The following CDH13 variants were observed in gnomAD, a reference collection of about 807,000 sequenced individuals.
CDH13 encodes cadherin 13, also known as cadherin-13.
CDH13 carries 24 observed loss-of-function variants against 63.8 expected under a neutral mutation model. The ratio of observed to expected loss-of-function variants is 0.38; its 90% CI spans 0.27 to 0.53. The LOEUF is 0.53. Ranked by LOEUF, CDH13 falls within the 20% of genes least tolerant of loss-of-function variation. CDH13 has a pLI of 0.85. For synonymous variants in CDH13, 503 were observed against 355.3 expected, an observed-to-expected ratio of 1.42 and a Z score of -4.67; for missense variants, 1,049 against 903.1, an observed-to-expected ratio of 1.16 and a Z score of -2.07.
At chr16:82,815,996 T>A in intron 1 of CDH13, among the ~76,000 whole-genome samples, 1 of 152,132 alleles carries the variant, frequency 6.6e-6, no homozygotes. Context: ...TATTACCAAG[T>A]ATGTGACAGT....
At chr16:83,600,809 G>A (rs1350636261) in intron 7 of CDH13, among the ~76,000 whole-genome samples, 2 of 152,154 alleles carry the variant, frequency 1.3e-5, no homozygotes, top group African/African-American at 2.4e-5. Context: ...GTTCACAGGC[G>A]GGTCTGGCTT....
chr16:82,858,661 T>G, intron 2 of CDH13, 188 bp downstream of exon 2: 1 of 629,230 alleles, frequency 1.6e-6, no homozygotes, highest in African/African-American at 1.8e-5. Context: ...GTTAATAGAG[T>G]GATATGCATC....
chr16:83,151,129 C>T (rs773451857), intron 4 of CDH13, among the ~76,000 whole-genome samples: 6 of 152,206 alleles, frequency 3.9e-5, no homozygotes, highest in Non-Finnish European at 8.8e-5. Flanking sequence ...TAATCAGGTA[C>T]TGCTTCATTC....
At chr16:82,882,617 C>T (rs909166208) in intron 2 of CDH13, among the ~76,000 whole-genome samples, 2 of 151,814 alleles carry the variant, frequency 1.3e-5, no homozygotes, top group Non-Finnish European at 2.9e-5. Context: ...GGCTTTTTTC[C>T]TTCCTTCCCT....
At chr16:83,665,152 A>G (rs1913820816) in intron 8 of CDH13, among the ~76,000 whole-genome samples, 1 of 150,466 alleles carries the variant, frequency 6.6e-6, no homozygotes, top group African/African-American at 2.5e-5. Flanking sequence ...CAAGTGTGTG[A>G]GTGCCAGGCA....
intron 6 of CDH13, among the ~76,000 whole-genome samples, chr16:83,354,589 G>A (rs1223323662): frequency 6.6e-6 from 1 of 152,150 alleles, no homozygotes; most frequent in African/African-American, 2.4e-5. Flanking sequence ...ATTGACATAA[G>A]GTCAAGAAAA....
chr16:83,173,503 C>G (rs992332614), intron 4 of CDH13, among the ~76,000 whole-genome samples: 3 of 151,844 alleles, frequency 2.0e-5, no homozygotes, highest in African/African-American at 4.8e-5. Flanking sequence ...AATAGACTTG[C>G]CAGACAAAAT....
At chr16:82,766,973 A>T (rs1414639117) in intron 1 of CDH13, among the ~76,000 whole-genome samples, 1 of 152,154 alleles carries the variant, frequency 6.6e-6, no homozygotes, top group Non-Finnish European at 1.5e-5. Flanking sequence ...TTACCATTTA[A>T]TCCACGCATT....
intron 2 of CDH13, among the ~76,000 whole-genome samples, chr16:82,982,899 C>T (rs1037160393): frequency 7.9e-5 from 12 of 152,066 alleles, no homozygotes; most frequent in African/African-American, 2.7e-4. Flanking sequence ...TTGATGGATA[C>T]CCCCATGAAC....
chr16:82,645,641 C>T lies in CDH13; in HGVS notation c.45+18504C>T, dbSNP rs748880681. Among the ~76,000 whole-genome samples the T allele has an allele frequency of 3.9e-5, 6 of 152,156 alleles. No individual in the cohort carries two copies. In the East Asian group the frequency reaches 9.6e-4, roughly 24 times the overall value. On this transcript the variant is annotated intron_variant, in intron 1 of 13. Coordinates refer to ENST00000567109, the MANE Select transcript of CDH13 (RefSeq NM_001257.5). ...ATCCAAATGCATAGCTTCATACTCA[C>T]CCAGCACACACAGGGATTTTTATCC...
chr16:82,811,050 G>C (rs931134963), intron 1 of CDH13, among the ~76,000 whole-genome samples: 1 of 152,040 alleles, frequency 6.6e-6, no homozygotes, highest in African/African-American at 2.4e-5. Flanking sequence ...TTTAAATTAC[G>C]ATATAAGCTA....
intron 2 of CDH13, among the ~76,000 whole-genome samples, chr16:83,029,571 A>T (rs1299873914): frequency 6.6e-6 from 1 of 152,244 alleles, no homozygotes; most frequent in Non-Finnish European, 1.5e-5. Flanking sequence ...TCACAGCCAC[A>T]TGATGAATCT....
At chr16:83,209,340 C>T (rs898113070) in intron 4 of CDH13, among the ~76,000 whole-genome samples, 3 of 152,302 alleles carry the variant, frequency 2.0e-5, no homozygotes, top group African/African-American at 7.2e-5. Flanking sequence ...AAGGAGCCTC[C>T]AGGTCGGCCA....
At chr16:83,285,480 G>A (rs567181908) in intron 5 of CDH13, among the ~76,000 whole-genome samples, 14 of 151,796 alleles carry the variant, frequency 9.2e-5, no homozygotes, top group Non-Finnish European at 2.1e-4. Flanking sequence ...GATATCCACA[G>A]GTTCCAACCA....
chr16:83,680,547 G>A (rs1915320927), intron 10 of CDH13, among the ~76,000 whole-genome samples: 1 of 152,132 alleles, frequency 6.6e-6, no homozygotes, highest in Non-Finnish European at 1.5e-5. Flanking sequence ...TTGAGCCATG[G>A]GGAGCAAAGG....
intron 1 of CDH13, among the ~76,000 whole-genome samples, chr16:82,724,318 A>T (rs1238708943): frequency 1.3e-5 from 2 of 152,066 alleles, no homozygotes; most frequent in Non-Finnish European, 1.5e-5. Flanking sequence ...TATTCTTTAG[A>T]GGTAGTTTTA....
intron 8 of CDH13, among the ~76,000 whole-genome samples, chr16:83,613,512 C>G (rs1270029826): frequency 6.6e-6 from 1 of 152,148 alleles, no homozygotes; most frequent in African/African-American, 2.4e-5. Context: ...TCTCTTCTGT[C>G]TAATCTACTA....
chr16:83,702,150 G>T (rs1015068328), intron 10 of CDH13, among the ~76,000 whole-genome samples: 10 of 152,088 alleles, frequency 6.6e-5, no homozygotes, highest in African/African-American at 2.4e-4. Flanking sequence ...TTTCCTTGGG[G>T]TGTAATACAA....
At chr16:83,760,419 G>A (rs1326486439) in intron 11 of CDH13, among the ~76,000 whole-genome samples, 1 of 152,160 alleles carries the variant, frequency 6.6e-6, no homozygotes, top group African/African-American at 2.4e-5. Flanking sequence ...ATTCATAAGA[G>A]CCCAAAGTTG....
Sources: gnomAD v4.1 joint callset for allele counts (sites outside exome capture counted in the v4.1 genomes callset) on GRCh38, gnomAD v4.1.1 for gene constraint, MANE v1.5 for transcripts, NCBI Gene and HGNC (gene_info 2026-07-23, HGNC 2026-07-21) for gene names.